The following FBXL18 variants were observed in gnomAD, a reference collection of about 807,000 sequenced individuals.
FBXL18 encodes the protein F-box and leucine rich repeat protein 18.
Under a neutral mutation model 46.0 loss-of-function variants are expected in FBXL18, and 36 were observed. The observed-to-expected ratio is 0.78, with a 90% CI of 0.60 to 1.03. The LOEUF is 1.03. Ranked by LOEUF, FBXL18 falls within the 50% of genes least tolerant of loss-of-function variation. The pLI is 0.00. For synonymous variants in FBXL18, 557 were observed against 465.3 expected, an observed-to-expected ratio of 1.20 and a Z score of -2.54; for missense variants, 977 against 1,004.1, an observed-to-expected ratio of 0.97 and a Z score of 0.36.
At chr7:5,497,532 G>C (rs1485171655) in intron 3 of FBXL18, among the ~76,000 whole-genome samples, 2 of 152,222 alleles carry the variant, frequency 1.3e-5, no homozygotes, top group East Asian at 3.8e-4. Context: ...TGCAGTGGGA[G>C]GAGGTCGAGA....
chr7:5,492,555 C>A (rs1358399193), intron 3 of FBXL18, among the ~76,000 whole-genome samples: 1 of 152,052 alleles, frequency 6.6e-6, no homozygotes, highest in African/African-American at 2.4e-5. Context: ...CCCACACACA[C>A]ACTATGCAGG....
At chr7:5,509,169 G>T (rs1273676918) in intron 1 of FBXL18, among the ~76,000 whole-genome samples, 1 of 150,050 alleles carries the variant, frequency 6.7e-6, no homozygotes, top group Admixed American at 6.7e-5. Flanking sequence ...CTCCAGCCTG[G>T]GTGACAGAGT....
intron 1 of FBXL18, 136 bp from the exon 2 acceptor site, chr7:5,505,766 T>C (rs2128238426): frequency 4.5e-6 from 3 of 673,352 alleles, no homozygotes; most frequent in Non-Finnish European, 7.5e-6. Context: ...CTCAACTGAA[T>C]GACAAAGAAT....
chr7:5,498,899 G>A (rs1784156104), intron 3 of FBXL18, among the ~76,000 whole-genome samples: 1 of 152,188 alleles, frequency 6.6e-6, no homozygotes, highest in African/African-American at 2.4e-5. Flanking sequence ...TTCAAGATCA[G>A]ATTTATTGGC....
rs1784266993 is a variant in FBXL18 at position 5,501,724 on chromosome 7, G to A, written c.545C>T (p.Thr182Ile). The change falls in exon 3 of 5, where the codon ACT (threonine) becomes ATT (isoleucine). Residue 182 changes from threonine (T) to isoleucine (I), a missense_variant. By Grantham distance (89) the Thr-to-Ile change is moderately conservative. Transcript: ENST00000382368. ...RVRELKQTLF[T>I]PSYGVVPCCT... Reference sequence around the variant, plus strand: ...GCAGGGCACCACGCCGTAGGAGGGAGTGAACAGCGTCTGCTTGAGCTCCCG... The same window carrying A: ...GCAGGGCACCACGCCGTAGGAGGGAATGAACAGCGTCTGCTTGAGCTCCCG... 3 of 1,578,312 alleles carry A rather than the reference G, an allele frequency of 1.9e-6. No homozygotes were observed. The highest frequency in any genetic ancestry group is 2.6e-6 in the Non-Finnish European group (3 of 1,161,684).
chr7:5,481,525 C>T lies in FBXL18; in HGVS notation c.*250G>A, dbSNP rs577565044. On this transcript the variant is annotated 3_prime_UTR_variant, in exon 5 of 5. Coordinates refer to ENST00000382368, the MANE Select transcript of FBXL18 (RefSeq NM_024963.6). Reference sequence around the variant, plus strand: ...GCCCCAAGGGTCAGCCTGGTTCAGCCAGCCCCCCACATCGACCGTCCCCCG... The same window carrying T: ...GCCCCAAGGGTCAGCCTGGTTCAGCTAGCCCCCCACATCGACCGTCCCCCG... 3.6e-4 allele frequency: 165 copies of T among 455,692 alleles called. 1 individual carries two copies. Among genetic ancestry groups the T allele is most frequent in the African/African-American group, 3.0e-3 (149 of 49,202 alleles). The allele number at this position is 455,692 out of a possible 1,614,324, so 28.2% of individuals were successfully genotyped here.
downstream of FBXL18, among the ~76,000 whole-genome samples, chr7:5,472,507 C>T (rs986122985): frequency 6.6e-6 from 1 of 152,126 alleles, no homozygotes; most frequent in Admixed American, 6.6e-5. Flanking sequence ...TGTAGAGAGA[C>T]CACATGGAGA....
chr7:5,466,759 AGGAGGCAGGAG>A (rs1783346535), intron 4 of FBXL18, among the ~76,000 whole-genome samples: 1 of 152,144 alleles, frequency 6.6e-6, no homozygotes, highest in Admixed American at 6.6e-5. Context: ...AGGCCTGGGC[AGGAGGCAGGAG>A]GGAGGCAGGA....
rs530113178 is a variant in FBXL18, at chr7:5,502,135, C to T, written c.238-104G>A. ...CTCCCCCTTGCAGCAGCTGCTCCAC[C>T]GGGAGGGAAGCTCCCCACCTCTCGC... On this transcript the variant is annotated intron_variant, in intron 2 of 4. Transcript: ENST00000382368. 392 of 855,566 alleles carry T rather than the reference C, an allele frequency of 4.6e-4. 2 individuals carry two copies. The Middle Eastern group carries it at 8.6e-3, about 19-fold the overall frequency. The allele number at this position is 855,566 out of a possible 1,614,324, so 53.0% of individuals were successfully genotyped here. A position where few individuals can be genotyped will look rare whatever the true frequency, so the allele number is the denominator to read the frequency against.
At position 5,502,042 on chromosome 7, in the gene FBXL18, G is replaced by A; in HGVS notation, c.238-11C>T. On this transcript the variant is annotated splice_polypyrimidine_tract_variant and intron_variant, in intron 2 of 4. Coordinates refer to ENST00000382368, the MANE Select transcript of FBXL18 (RefSeq NM_024963.6). ...TTTGTCCTCGCTCGCCTGCGGGACA[G>A]AGGCAGGGTGGGGAGAGGAAGGAAA... is the stretch of plus-strand genomic sequence containing the variant. 1 of 1,557,534 alleles carries A rather than the reference G, an allele frequency of 6.4e-7. No individual in the cohort carries two copies. Among genetic ancestry groups the A allele is most frequent in the Non-Finnish European group, 8.7e-7 (1 of 1,149,170 alleles).
intron 4 of FBXL18, among the ~76,000 whole-genome samples, chr7:5,483,017 A>G (rs1324004271): frequency 1.3e-5 from 2 of 151,674 alleles, no homozygotes; most frequent in African/African-American, 2.4e-5. Context: ...CAGCCTGGGC[A>G]ACACAGTAAG....
At chr7:5,463,092 A>C (rs940210649) in intron 4 of FBXL18, among the ~76,000 whole-genome samples, 4 of 148,944 alleles carry the variant, frequency 2.7e-5, no homozygotes, top group African/African-American at 9.9e-5. Flanking sequence ...CAAAAGTATC[A>C]TGAGATACTA....
rs1003811737 is a variant in FBXL18, at chr7:5,491,466, C to T, written c.1782-17G>A. On this transcript the variant is annotated splice_polypyrimidine_tract_variant and intron_variant, in intron 3 of 4. Coordinates refer to ENST00000382368, the MANE Select transcript of FBXL18 (RefSeq NM_024963.6). ...TGCTCCAGCCTGCGGGGAGAGAGGG[C>T]AGCTGTGAGGTCCGAGGGAGGGGCT... The T allele has an allele frequency of 1.9e-6, 3 of 1,553,874 alleles. No homozygotes were observed. Among genetic ancestry groups the T allele is most frequent in the African/African-American group, 1.3e-5 (1 of 74,092 alleles).
At position 5,480,440 on chromosome 7, in the gene FBXL18, T is replaced by C. The variant is rs1452616264; in HGVS notation, c.*1335A>G. The C allele has an allele frequency of 1.3e-5, 2 of 151,824 alleles. No homozygotes were observed. The highest frequency in any genetic ancestry group is 2.9e-5 in the Non-Finnish European group (2 of 68,008). 9.4% of individuals were successfully genotyped at this position (151,824 alleles called of 1,614,324 possible). ...TTTTTGGAATAACTTTGTTTTTTTC[T>C]CTTTCTTTTTCAGAGATGGGGTATC... On this transcript the variant is annotated 3_prime_UTR_variant, in exon 5 of 5. Transcript: ENST00000382368.
intron 4 of FBXL18, chr7:5,490,018 T>C (rs1341051841): frequency 7.6e-7 from 1 of 1,311,738 alleles, no homozygotes; most frequent in Non-Finnish European, 1.0e-6. Context: ...ACAAGTTGTT[T>C]TTACAACCAG....
chr7:5,490,012 G>C, intron 4 of FBXL18: 2 of 1,306,890 alleles, frequency 1.5e-6, no homozygotes, highest in Non-Finnish European at 2.0e-6. Flanking sequence ...ATAAACACAA[G>C]TTGTTTTTAC....
intron 4 of FBXL18, among the ~76,000 whole-genome samples, chr7:5,470,110 C>G (rs1209077200): frequency 6.6e-6 from 1 of 152,100 alleles, no homozygotes; most frequent in East Asian, 1.9e-4. Flanking sequence ...GAGCGTGTGC[C>G]TTCCCAGCAG....
chr7:5,510,174 C>T (rs186106516), intron 1 of FBXL18, among the ~76,000 whole-genome samples: 304 of 151,094 alleles, frequency 2.0e-3, no homozygotes, highest in African/African-American at 7.0e-3. Context: ...TGGTGGCAGG[C>T]GCCTGTAATG....
At chr7:5,504,108 C>A (rs369500369) in intron 2 of FBXL18, among the ~76,000 whole-genome samples, 1 of 151,784 alleles carries the variant, frequency 6.6e-6, no homozygotes, top group East Asian at 2.0e-4. Context: ...ACTCAGCTCC[C>A]TCATCCACTG....
Sources: gnomAD v4.1 joint callset for allele counts (sites outside exome capture counted in the v4.1 genomes callset) on GRCh38, gnomAD v4.1.1 for gene constraint, MANE v1.5 for transcripts, NCBI Gene and HGNC (gene_info 2026-07-23, HGNC 2026-07-21) for gene names.